Variants in PPM1D observed in about 807,000 individuals in gnomAD.
The protein encoded by PPM1D is protein phosphatase 1D.
PPM1D carries 52 observed loss-of-function variants against 58.3 expected under a neutral mutation model. The observed-to-expected ratio is 0.89, with a 90% confidence interval of 0.71 to 1.12. The LOEUF is 1.12. Among genes scored for constraint, PPM1D ranks in the 50% most tolerant of loss-of-function variants. The pLI, the probability that PPM1D is intolerant of heterozygous loss-of-function variation, is 0.00. For missense variants in PPM1D, 564 were observed against 777.2 expected, an observed-to-expected ratio of 0.73 and a Z score of 3.26; for synonymous variants, 278 against 285.1, an observed-to-expected ratio of 0.98 and a Z score of 0.25.
chr17:60,618,557 C>T (rs934489799), intron 1 of PPM1D, among the ~76,000 whole-genome samples: 2 of 152,246 alleles, frequency 1.3e-5, no homozygotes, highest in Admixed American at 1.3e-4. Context: ...AGCTGAATAC[C>T]TTTGCATATT....
chr17:60,655,469 C>A (rs747557260), intron 4 of PPM1D, among the ~76,000 whole-genome samples: 1 of 152,150 alleles, frequency 6.6e-6, no homozygotes, highest in African/African-American at 2.4e-5. Flanking sequence ...CTGTCTCAGC[C>A]TCCCAAGTAG....
Position 60,665,882 on chromosome 17 carries a change from T to C in PPM1D, c.*2330T>C, listed in dbSNP as rs1312182426. 1 of 152,208 alleles carries C rather than the reference T, an allele frequency of 6.6e-6. No individual in the cohort carries two copies. Among genetic ancestry groups the C allele is most frequent in the Non-Finnish European group, 1.5e-5 (1 of 68,044 alleles). 9.4% of individuals were successfully genotyped at this position (152,208 alleles called of 1,614,324 possible). The stretch of plus-strand genomic sequence containing the variant: ...AGGGCCTCTCACAACATGGCAGTTA[T>C]TTGTCCCCAGAGCAAGCAACACCGG... On this transcript the variant is annotated 3_prime_UTR_variant, in exon 6 of 6. Coordinates refer to ENST00000305921, the MANE Select transcript of PPM1D (RefSeq NM_003620.4).
chr17:60,640,884 G>A (rs1048761121), intron 3 of PPM1D, among the ~76,000 whole-genome samples: 4 of 151,834 alleles, frequency 2.6e-5, no homozygotes, highest in African/African-American at 9.7e-5. Flanking sequence ...AATTTACTTA[G>A]GATAATGGCC....
At chr17:60,601,959 T>C (rs1214724944) in intron 1 of PPM1D, among the ~76,000 whole-genome samples, 2 of 152,250 alleles carry the variant, frequency 1.3e-5, no homozygotes, top group African/African-American at 4.8e-5. Context: ...AACGTTGCTT[T>C]ATTTTCAGCA....
chr17:60,645,542 A>ATG, intron 3 of PPM1D, among the ~76,000 whole-genome samples: 2 of 139,116 alleles, frequency 1.4e-5, no homozygotes, highest in African/African-American at 5.8e-5. Context: ...ATGTGTATAT[A>ATG]TATGTATATA....
chr17:60,658,350 G>A (rs183488889), intron 5 of PPM1D, among the ~76,000 whole-genome samples: 24 of 152,178 alleles, frequency 1.6e-4, no homozygotes, highest in Non-Finnish European at 2.4e-4. Flanking sequence ...CATAAAATAC[G>A]TTTAAAAAAT....
At chr17:60,661,943 T>C (rs1340419735) in intron 5 of PPM1D, among the ~76,000 whole-genome samples, 2 of 152,176 alleles carry the variant, frequency 1.3e-5, no homozygotes, top group Non-Finnish European at 2.9e-5. Flanking sequence ...TCCCCTCCAG[T>C]GGTTACACTG....
chr17:60,640,369 T>C (rs1247861584), intron 3 of PPM1D, among the ~76,000 whole-genome samples: 2 of 152,226 alleles, frequency 1.3e-5, no homozygotes, highest in African/African-American at 2.4e-5. Flanking sequence ...AGAGTTGGAA[T>C]GGGAAACATA....
rs1327850015 is a variant in PPM1D, at chr17:60,663,990, A to G, written c.*438A>G. The G allele has an allele frequency of 1.3e-5, 2 of 157,390 alleles. No homozygotes were observed. The highest frequency in any genetic ancestry group is 2.8e-5 in the Non-Finnish European group (2 of 70,708). 9.7% of individuals were successfully genotyped at this position (157,390 alleles called of 1,614,324 possible). A position where few individuals can be genotyped will look rare whatever the true frequency, so the allele number is the denominator to read the frequency against. ...TAAAGTAAATTATTAAGCAGACTGG[A>G]AAAGTGATGTATTTTCATAGTGACC... On this transcript the variant is annotated 3_prime_UTR_variant, in exon 6 of 6. Coordinates refer to ENST00000305921, the MANE Select transcript of PPM1D (RefSeq NM_003620.4).
chr17:60,657,220 T>C (rs1034383839), intron 5 of PPM1D: 22 of 586,678 alleles, frequency 3.7e-5, no homozygotes, highest in Non-Finnish European at 4.7e-5. Context: ...GATTAAACTG[T>C]CTAAACAAGG....
intron 3 of PPM1D, among the ~76,000 whole-genome samples, chr17:60,638,171 A>G (rs372540217): frequency 6.6e-6 from 1 of 151,346 alleles, no homozygotes; most frequent in African/African-American, 2.5e-5. Context: ...GTAAACACAT[A>G]CAGAAATGAA....
intron 1 of PPM1D, among the ~76,000 whole-genome samples, chr17:60,608,819 C>G (rs75474920): frequency 6.6e-6 from 1 of 151,518 alleles, no homozygotes; most frequent in Non-Finnish European, 1.5e-5. Context: ...GCTATCTTGG[C>G]TCACTGCAAG....
chr17:60,636,860 T>C (rs1364719955), intron 3 of PPM1D, among the ~76,000 whole-genome samples: 1 of 151,920 alleles, frequency 6.6e-6, no homozygotes, highest in African/African-American at 2.4e-5. Flanking sequence ...AAATTTTTTG[T>C]AGAGACGTCT....
intron 3 of PPM1D, among the ~76,000 whole-genome samples, chr17:60,644,794 A>G (rs1471257059): frequency 6.6e-6 from 1 of 152,264 alleles, no homozygotes; most frequent in Non-Finnish European, 1.5e-5. Context: ...ACAGTCTATC[A>G]TATTTTTATG....
intron 3 of PPM1D, among the ~76,000 whole-genome samples, chr17:60,636,847 T>A (rs1335833561): frequency 1.3e-5 from 2 of 152,144 alleles, no homozygotes; most frequent in East Asian, 1.9e-4. Context: ...AACTAATTTT[T>A]AAAAATTTTT....
intron 3 of PPM1D, among the ~76,000 whole-genome samples, chr17:60,637,238 TC>T (rs2031041960): frequency 6.6e-6 from 1 of 152,020 alleles, no homozygotes; most frequent in African/African-American, 2.4e-5. Context: ...TTCTCTTTTT[TC>T]TTTTTCTTTC....
chr17:60,637,229 T>C (rs1043240584), intron 3 of PPM1D, among the ~76,000 whole-genome samples: 13 of 152,028 alleles, frequency 8.6e-5, no homozygotes, highest in Admixed American at 2.0e-4. Flanking sequence ...CATGAATTTT[T>C]CTCTTTTTTC....
chr17:60,616,329 C>T (rs1262490102), intron 1 of PPM1D, among the ~76,000 whole-genome samples: 2 of 151,548 alleles, frequency 1.3e-5, no homozygotes, highest in Non-Finnish European at 2.9e-5. Context: ...AAGAAAAAGG[C>T]CAGGTTCAGT....
intron 1 of PPM1D, among the ~76,000 whole-genome samples, chr17:60,612,168 A>T (rs1395032524): frequency 6.6e-6 from 1 of 152,212 alleles, no homozygotes; most frequent in Non-Finnish European, 1.5e-5. Context: ...AGCAATAAAC[A>T]TCTATCACGC....
Sources: allele counts gnomAD v4.1 joint callset (sites outside exome capture counted in the v4.1 genomes callset), GRCh38; gene constraint gnomAD v4.1.1; transcripts MANE v1.5; gene names NCBI Gene and HGNC (gene_info 2026-07-23, HGNC 2026-07-21).